Variants in GNB1L observed in about 807,000 individuals in gnomAD.
GNB1L encodes G protein subunit beta 1 like, also known as guanine nucleotide-binding protein subunit beta-like protein 1.
A neutral mutation model predicts 29.1 loss-of-function variants in GNB1L; 20 were observed. The observed-to-expected ratio is 0.69, with a 90% CI of 0.48 to 1.00. The LOEUF is 1.00. Among genes scored for constraint, GNB1L ranks in the 50% least tolerant of loss-of-function variants. The pLI is 0.00. For synonymous variants in GNB1L, 193 were observed against 206.5 expected, an observed-to-expected ratio of 0.93 and a Z score of 0.56; for missense variants, 421 against 464.9, an observed-to-expected ratio of 0.91 and a Z score of 0.87.
intron 2 of GNB1L, among the ~76,000 whole-genome samples, chr22:19,839,097 C>T (rs1002647216): frequency 1.8e-4 from 27 of 152,066 alleles, no homozygotes; most frequent in Non-Finnish European, 2.9e-5. Context: ...AGTATAGGTA[C>T]AGAGGACAGA....
intron 2 of GNB1L, chr22:19,846,647 G>A (rs1258680559): frequency 3.3e-5 from 26 of 777,620 alleles, no homozygotes; most frequent in Non-Finnish European, 4.1e-5. Context: ...TTGAAGACAG[G>A]GTCTTTAAAG....
At chr22:19,811,609 G>C (rs1937501339) in intron 5 of GNB1L, among the ~76,000 whole-genome samples, 1 of 152,136 alleles carries the variant, frequency 6.6e-6, no homozygotes, top group Non-Finnish European at 1.5e-5. Flanking sequence ...CCACTGTCCA[G>C]CTGGGCCAGT....
chr22:19,798,006 C>T (rs946622072), intron 7 of GNB1L, among the ~76,000 whole-genome samples: 2 of 152,256 alleles, frequency 1.3e-5, no homozygotes, highest in Non-Finnish European at 2.9e-5. Flanking sequence ...TGTGCTGCAG[C>T]ACGACACACA....
chr22:19,784,730 C>G lies in GNB1L; in HGVS notation c.*3979G>C, dbSNP rs1392777878. Reference sequence around the variant, plus strand: ...ACGTGCCAGGACCCGCGTCCCTGCACACAGCTGCCCACCGGCCAGTGGAGT... The same window carrying G: ...ACGTGCCAGGACCCGCGTCCCTGCAGACAGCTGCCCACCGGCCAGTGGAGT... On this transcript the variant is annotated 3_prime_UTR_variant, in exon 8 of 8. Coordinates refer to ENST00000329517, the MANE Select transcript of GNB1L (RefSeq NM_053004.3). 2.2e-4 allele frequency: 34 copies of G among 152,196 alleles called. No homozygotes were observed. The highest frequency in any genetic ancestry group is 2.2e-3 in the Admixed American group (34 of 15,288). 9.4% of individuals were successfully genotyped at this position (152,196 alleles called of 1,614,324 possible).
rs1232035698 is a variant in GNB1L at position 19,788,879 on chromosome 22, C to A, written c.814G>T (p.Gly272Cys). The A allele has an allele frequency of 6.2e-7, 1 of 1,612,816 alleles. No homozygotes were observed. Among genetic ancestry groups the A allele is most frequent in the Non-Finnish European group, 8.5e-7 (1 of 1,179,962 alleles). Residue 272 changes from glycine to cysteine, a missense_variant, in exon 8 of 8, where the codon GGC becomes TGC. Coordinates refer to ENST00000329517, the MANE Select transcript of GNB1L (RefSeq NM_053004.3). ...AACACGCGGATGCGGTGGTCCCAGC[C>A]TGCGGTGGCCAGGATCTTGCGATCT... ...RPDRKILATAGWDHRIRVFHW... is the reference protein window; with the variant it reads ...RPDRKILATACWDHRIRVFHW...
chr22:19,822,921 C>A (rs1937590623), intron 2 of GNB1L, among the ~76,000 whole-genome samples: 1 of 152,198 alleles, frequency 6.6e-6, no homozygotes, highest in Admixed American at 6.5e-5. Context: ...CTATTCAGAG[C>A]TGGGGCAAAG....
intron 2 of GNB1L, among the ~76,000 whole-genome samples, chr22:19,829,927 A>G (rs1265730458): frequency 2.0e-5 from 3 of 152,184 alleles, no homozygotes; most frequent in African/African-American, 7.2e-5. Context: ...CATTCCCACT[A>G]AGATCAGAAT....
At position 19,835,373 on chromosome 22, in the gene GNB1L, T is replaced by TA. The variant is rs34652133; in HGVS notation, c.-20-13999dup. On this transcript the variant is annotated intron_variant, in intron 2 of 7. Transcript: ENST00000329517. ...GGTCATAAAAGAAACCTTAAAAATG[T>TA]AAAAAAAAAAAAAAACAAACAAACA... Among the ~76,000 whole-genome samples the TA allele has an allele frequency of 5.4e-3, 738 of 136,278 alleles. 2 individuals carry two copies. Among genetic ancestry groups the TA allele is most frequent in the East Asian group, 0.014 (69 of 4,808 alleles). 89.4% of individuals were successfully genotyped at this position (136,278 alleles called of 152,430 possible).
At chr22:19,791,779 G>A (rs1399808006) in intron 7 of GNB1L, among the ~76,000 whole-genome samples, 1 of 152,196 alleles carries the variant, frequency 6.6e-6, no homozygotes, top group Non-Finnish European at 1.5e-5. Context: ...GACAGCCTGA[G>A]ACCAGCTGAG....
intron 7 of GNB1L, among the ~76,000 whole-genome samples, chr22:19,801,690 T>G (rs867820352): frequency 1.7e-4 from 25 of 149,890 alleles, no homozygotes; most frequent in African/African-American, 5.4e-4. Context: ...AGTTCCTTAC[T>G]GACCAAATTC....
intron 5 of GNB1L, among the ~76,000 whole-genome samples, chr22:19,809,589 G>C (rs1569043357): frequency 6.6e-6 from 1 of 152,284 alleles, no homozygotes; most frequent in East Asian, 1.9e-4. Context: ...CACACTCACT[G>C]GGGCTTCAGC....
At chr22:19,794,778 C>T (rs1210245200) in intron 7 of GNB1L, among the ~76,000 whole-genome samples, 1 of 152,094 alleles carries the variant, frequency 6.6e-6, no homozygotes. Flanking sequence ...GTCAAGAGAT[C>T]GAGACCATCC....
chr22:19,814,556 C>T (rs1338697473), intron 4 of GNB1L, among the ~76,000 whole-genome samples: 1 of 152,198 alleles, frequency 6.6e-6, no homozygotes, highest in African/African-American at 2.4e-5. Flanking sequence ...ACACTTCCTG[C>T]CCCAGTGACC....
chr22:19,852,528 A>C, intron 2 of GNB1L: 1 of 470,430 alleles, frequency 2.1e-6, no homozygotes, highest in Non-Finnish European at 3.8e-6. Flanking sequence ...ACTAGGCCTA[A>C]CCATCACCCA....
At chr22:19,838,365 G>A (rs1454905191) in intron 2 of GNB1L, among the ~76,000 whole-genome samples, 1 of 152,202 alleles carries the variant, frequency 6.6e-6, no homozygotes, top group African/African-American at 2.4e-5. Flanking sequence ...AAAACCAAGT[G>A]CTGGCAATAC....
At chr22:19,834,414 AC>A in intron 2 of GNB1L, among the ~76,000 whole-genome samples, 1 of 152,364 alleles carries the variant, frequency 6.6e-6, no homozygotes, top group East Asian at 1.9e-4. Context: ...GGTTCAAAAG[AC>A]ATGATACCAG....
At chr22:19,809,514 G>C (rs1018460761) in intron 5 of GNB1L, among the ~76,000 whole-genome samples, 1 of 152,208 alleles carries the variant, frequency 6.6e-6, no homozygotes, top group Admixed American at 6.5e-5. Context: ...TAAGGCAAGG[G>C]TCTAATTGAG....
At chr22:19,850,510 C>T in intron 2 of GNB1L, 2 of 1,055,268 alleles carry the variant, frequency 1.9e-6, no homozygotes, top group Non-Finnish European at 2.3e-6. Context: ...TGCAGCTGAG[C>T]CTGGCAAGGG....
intron 6 of GNB1L, among the ~76,000 whole-genome samples, chr22:19,805,639 G>T (rs1156827593): frequency 6.6e-6 from 1 of 152,138 alleles, no homozygotes; most frequent in Non-Finnish European, 1.5e-5. Context: ...AAAATTAGCC[G>T]GGCGTGGTGG....
Sources: gnomAD v4.1 joint callset for allele counts (sites outside exome capture counted in the v4.1 genomes callset) on GRCh38, gnomAD v4.1.1 for gene constraint, MANE v1.5 for transcripts, NCBI Gene and HGNC (gene_info 2026-07-23, HGNC 2026-07-21) for gene names.